Variants in CKAP5 observed in about 807,000 individuals in gnomAD.
The protein encoded by CKAP5 is cytoskeleton associated protein 5, also known as cytoskeleton-associated protein 5.
In CKAP5, 27 loss-of-function variants were observed where a neutral mutation model predicts 232.8. The observed-to-expected ratio is 0.12, with a 90% CI of 0.09 to 0.16. The LOEUF is 0.16. CKAP5 is among the 10% of genes least tolerant of loss of function. The probability of loss-of-function intolerance (pLI) is 1.00; values close to 1 mark genes in which losing one functional copy is unlikely to be tolerated. For synonymous variants in CKAP5, 785 were observed against 841.1 expected (o/e 0.93, Z 1.16); for missense variants, 1,838 against 2,424.7 (o/e 0.76, Z 5.08).
At chr11:46,769,199 A>G (rs895953223) in intron 26 of CKAP5, among the ~76,000 whole-genome samples, 1 of 152,190 alleles carries the variant, frequency 6.6e-6, no homozygotes, top group African/African-American at 2.4e-5. Context: ...GATTACAAGC[A>G]TGAGCCACTG....
At chr11:46,757,254 A>G (rs950451496) in intron 35 of CKAP5, among the ~76,000 whole-genome samples, 38 of 150,966 alleles carry the variant, frequency 2.5e-4, no homozygotes, top group Non-Finnish European at 5.0e-4. Flanking sequence ...GCACTTTGGG[A>G]GGCCGAGGCA....
In CKAP5 at chr11:46,788,715, G is replaced by T; in HGVS notation, c.1934C>A (p.Ala645Asp). ...AGTTTCTTTCCATCCAGGTTTCTTG[G>T]CTAGCATCCTCACTAATGCCTGGCA... is the stretch of plus-strand genomic sequence containing the variant. Reference protein sequence around the residue: ...MPCQALVRMLAKKPGWKETNF... With the variant: ...MPCQALVRMLDKKPGWKETNF... Residue 645 changes from alanine (A) to aspartate (D), a missense_variant, in exon 16 of 44, where the codon GCC becomes GAC. Ala to Asp is a moderately radical substitution (Grantham distance 126, BLOSUM62 -2). Transcript: ENST00000529230. The T allele has an allele frequency of 6.2e-7, 1 of 1,607,934 alleles. No homozygotes were observed. Among genetic ancestry groups the T allele is most frequent in the Non-Finnish European group, 8.5e-7 (1 of 1,177,488 alleles).
At chr11:46,792,565 A>AAAC (rs544454333) in intron 13 of CKAP5, among the ~76,000 whole-genome samples, 1,570 of 152,080 alleles carry the variant, frequency 0.01, 18 homozygotes, top group Admixed American at 0.014. Context: ...AAAAAAACAA[A>AAAC]AACAACAACA....
intron 8 of CKAP5, among the ~76,000 whole-genome samples, chr11:46,802,561 C>CAG (rs370152798): frequency 1.5e-3 from 128 of 87,630 alleles, no homozygotes; most frequent in Admixed American, 5.4e-3. Context: ...CAGACAGACA[C>CAG]ACACACACAC....
At position 46,784,474 on chromosome 11, in the gene CKAP5, T is replaced by C; in HGVS notation, c.2154+14A>G. On this transcript the variant is annotated intron_variant, in intron 17 of 43. Transcript: ENST00000529230. ...TTGGGAAAACTAGAGGAATAAGACT[T>C]CTGTGTCACTAACCTGTTCAGCAGT... The C allele has an allele frequency of 6.3e-7, 1 of 1,595,052 alleles. No individual in the cohort carries two copies. The highest frequency in any genetic ancestry group is 8.5e-7 in the Non-Finnish European group (1 of 1,169,742).
At chr11:46,839,027 A>C (rs1939985851) in intron 1 of CKAP5, among the ~76,000 whole-genome samples, 1 of 152,132 alleles carries the variant, frequency 6.6e-6, no homozygotes, top group Non-Finnish European at 1.5e-5. Context: ...TCACTGAGGT[A>C]ACCTCAAAGG....
chr11:46,839,886 C>A (rs762929118), intron 1 of CKAP5, among the ~76,000 whole-genome samples: 2 of 152,094 alleles, frequency 1.3e-5, no homozygotes, highest in Non-Finnish European at 2.9e-5. Flanking sequence ...TGCTTGTAAC[C>A]CCAGCAATTT....
rs544885843 is a variant in CKAP5 at position 46,744,067 on chromosome 11, C to T, written c.6055G>A (p.Asp2019Asn). The change falls in exon 44 of 44, where the codon GAC (aspartate) becomes AAC (asparagine). Residue 2019 changes from aspartate to asparagine, a missense_variant. Around this residue, in one of 6 missense-constraint regions of CKAP5, gnomAD observed 62 missense variants for 61.1 expected, o/e 1.01. Coordinates refer to ENST00000529230, the MANE Select transcript of CKAP5 (RefSeq NM_001008938.4). ...ATTCTCTCCAGTCTTTTTTTCAAGT[C>T]GTCTATGTTAGCTGTGGAGGAGGAG... is the stretch of plus-strand genomic sequence containing the variant. ...TSSSSTANID[D>N]LKKRLERIKS... The T allele has an allele frequency of 5.0e-6, 8 of 1,613,460 alleles. No individual in the cohort carries two copies. The highest frequency in any genetic ancestry group is 4.5e-5 in the East Asian group (2 of 44,876).
intron 38 of CKAP5, among the ~76,000 whole-genome samples, chr11:46,752,217 C>CACACACACACAT (rs1565716337): frequency 2.4e-5 from 3 of 123,896 alleles, no homozygotes; most frequent in African/African-American, 5.3e-5. Flanking sequence ...CACACACACA[C>CACACACACACAT]ACACACACAC....
At chr11:46,796,345 A>G (rs1207099449) in intron 12 of CKAP5, among the ~76,000 whole-genome samples, 2 of 152,200 alleles carry the variant, frequency 1.3e-5, no homozygotes, top group Non-Finnish European at 2.9e-5. Flanking sequence ...TATGGAAGAC[A>G]TTCACATATA....
intron 25 of CKAP5, 146 bp from the exon 26 acceptor site, chr11:46,770,244 A>T (rs918293645): frequency 5.2e-6 from 4 of 769,402 alleles, no homozygotes; most frequent in Non-Finnish European, 8.6e-6. Flanking sequence ...ACATGGTGTC[A>T]GAGAAGTCAC....
intron 1 of CKAP5, among the ~76,000 whole-genome samples, chr11:46,824,791 G>C (rs1939616532): frequency 6.6e-6 from 1 of 152,168 alleles, no homozygotes; most frequent in South Asian, 2.1e-4. Flanking sequence ...TAAGAACCAA[G>C]TTTTTGCTAC....
intron 43 of CKAP5, 21 bp from the exon 44 acceptor site, chr11:46,744,286 A>G: frequency 6.2e-7 from 1 of 1,613,740 alleles, no homozygotes; most frequent in African/African-American, 1.3e-5. Flanking sequence ...AAGGAGAGAG[A>G]TTGTCTAAGG....
chr11:46,817,675 T>G (rs1184832739), intron 3 of CKAP5, among the ~76,000 whole-genome samples: 3 of 150,538 alleles, frequency 2.0e-5, no homozygotes, highest in African/African-American at 7.3e-5. Flanking sequence ...TGTTTCAACT[T>G]TTTTTTTTGT....
intron 4 of CKAP5, among the ~76,000 whole-genome samples, chr11:46,812,804 A>AT (rs1051586324): frequency 1.9e-4 from 28 of 149,336 alleles, no homozygotes; most frequent in South Asian, 4.3e-4. Flanking sequence ...TGCCCGGCTA[A>AT]TTTTTTTTTT....
At chr11:46,776,595 T>C (rs1565729595) in intron 23 of CKAP5, among the ~76,000 whole-genome samples, 1 of 152,162 alleles carries the variant, frequency 6.6e-6, no homozygotes, top group Non-Finnish European at 1.5e-5. Context: ...ATTGTAAAAC[T>C]TGTGTACTCA....
chr11:46,754,948 C>T lies in CKAP5; in HGVS notation c.4809G>A (p.Glu1603=). The change falls in exon 36 of 44, where the codon GAG becomes GAA. Residue 1603 remains glutamate (E), a synonymous_variant. Transcript: ENST00000529230. ...RLIYNTHMAD[E]KLEKDEIIKL... ...TGATGATCTCGTCCTTCTCCAATTT[C>T]TCATCTGCCATGTGTGTGTTGTAGA... is the stretch of plus-strand genomic sequence containing the variant. 1 of 1,613,888 alleles carries T rather than the reference C, an allele frequency of 6.2e-7. No individual in the cohort carries two copies. The highest frequency in any genetic ancestry group is 8.5e-7 in the Non-Finnish European group (1 of 1,179,914).
chr11:46,759,554 T>C, intron 33 of CKAP5, 112 bp from the exon 34 acceptor site: 1 of 1,064,104 alleles, frequency 9.4e-7, no homozygotes, highest in Non-Finnish European at 1.3e-6. Context: ...ACTTCTGGTT[T>C]CAGCCCCCCT....
intron 1 of CKAP5, among the ~76,000 whole-genome samples, chr11:46,835,263 T>C (rs1939888500): frequency 6.6e-6 from 1 of 151,906 alleles, no homozygotes; most frequent in African/African-American, 2.4e-5. Context: ...AAAATACATA[T>C]ATATATTACC....
Sources: allele counts gnomAD v4.1 joint callset (sites outside exome capture counted in the v4.1 genomes callset), GRCh38; gene constraint gnomAD v4.1.1; regional missense constraint gnomAD v4.1.1; transcripts MANE v1.5; gene names NCBI Gene and HGNC (gene_info 2026-07-23, HGNC 2026-07-21).